Variants in ZFHX3 observed in about 807,000 individuals in gnomAD.
ZFHX3 encodes zinc finger homeobox protein 3.
Under a neutral mutation model 279.1 loss-of-function variants are expected in ZFHX3, and 42 were observed. The ratio of observed to expected loss-of-function variants is 0.15; its 90% CI spans 0.12 to 0.19. The LOEUF (loss-of-function observed/expected upper bound fraction) is 0.19, where lower values mean the gene tolerates loss of function less well. Ranked by LOEUF, ZFHX3 falls within the 10% of genes least tolerant of loss-of-function variation. ZFHX3 has a pLI of 1.00. For synonymous variants in ZFHX3, 2,293 were observed against 1,957.8 expected (o/e 1.17, Z -4.52); for missense variants, 4,981 against 4,754.0 (o/e 1.05, Z -1.40).
At chr16:73,719,358 C>T (rs1026609314) in intron 1 of ZFHX3, among the ~76,000 whole-genome samples, 1 of 152,196 alleles carries the variant, frequency 6.6e-6, no homozygotes, top group Non-Finnish European at 1.5e-5. Context: ...TCAGGTGGCA[C>T]CTGCGTGGTC....
Position 72,800,034 on chromosome 16 carries a change from C to T in ZFHX3, c.3960G>A (p.Lys1320=), listed in dbSNP as rs775113450. ...AAGAATAATGATACTGACCAGGCTGCTTTCCTGCCTCTTCCAAATTGGAAT... is the reference window on the plus strand; with the variant it reads ...AAGAATAATGATACTGACCAGGCTGTTTTCCTGCCTCTTCCAAATTGGAAT... ...DGNSNLEEAG[K]QPETSEDLGK... is the part of the protein sequence containing the mutation. Residue 1320 remains lysine (K), a synonymous_variant, in exon 8 of 10, where the codon AAG becomes AAA. Coordinates refer to ENST00000268489, the MANE Select transcript of ZFHX3 (RefSeq NM_006885.4). The T allele has an allele frequency of 1.9e-6, 3 of 1,614,108 alleles. No individual in the cohort carries two copies. Among genetic ancestry groups the T allele is most frequent in the Non-Finnish European group, 2.5e-6 (3 of 1,179,974 alleles).
At chr16:73,623,691 C>G (rs1392690303) in intron 2 of ZFHX3, among the ~76,000 whole-genome samples, 1 of 151,986 alleles carries the variant, frequency 6.6e-6, no homozygotes, top group Non-Finnish European at 1.5e-5. Context: ...CTTTGTCTGA[C>G]GTGTTGGTTT....
At chr16:73,791,452 G>A (rs1021936927) in intron 1 of ZFHX3, among the ~76,000 whole-genome samples, 3 of 151,626 alleles carry the variant, frequency 2.0e-5, no homozygotes, top group African/African-American at 7.3e-5. Context: ...TTGAGATGGA[G>A]TCTTGCTCTG....
rs367676710 is a variant in ZFHX3 at position 72,793,587 on chromosome 16, T to G, written c.9095A>C (p.Lys3032Thr). 1 of 1,614,240 alleles carries G rather than the reference T, an allele frequency of 6.2e-7. No individual in the cohort carries two copies. Among genetic ancestry groups the G allele is most frequent in the Non-Finnish European group, 8.5e-7 (1 of 1,180,044 alleles). ...ACGTACAGACAGCCGAGCGCTGTAC[T>G]TGATGCCACACAAAGTGCACTCTGT... is the stretch of plus-strand genomic sequence containing the variant. ...PKTECTLCGI[K>T]YSARLSVRDH... Residue 3032 changes from lysine to threonine, a missense_variant, in exon 9 of 10, where the codon AAG becomes ACG. Lys to Thr is a moderately conservative substitution (Grantham distance 78). This residue lies in a region of ZFHX3 where 168 missense variants were observed against 249.1 expected (regional missense o/e 0.67). Coordinates refer to ENST00000268489, the MANE Select transcript of ZFHX3 (RefSeq NM_006885.4). This position sits in a 1 kb window ranked among gnomAD's most constrained non-coding sequence, Gnocchi z 4.3.
At chr16:73,795,317 T>C (rs927980659) in intron 1 of ZFHX3, among the ~76,000 whole-genome samples, 2 of 152,344 alleles carry the variant, frequency 1.3e-5, no homozygotes, top group African/African-American at 4.8e-5. Context: ...TCTCTTCGTT[T>C]TGAGGACCCC....
intron 4 of ZFHX3, among the ~76,000 whole-genome samples, chr16:72,877,876 G>A (rs780600112): frequency 3.2e-4 from 48 of 152,216 alleles, no homozygotes; most frequent in Non-Finnish European, 4.4e-4. Flanking sequence ...GGGGGCCACG[G>A]GTTGAGTGGT....
At chr16:73,334,810 C>A (rs201908298) in intron 3 of ZFHX3, among the ~76,000 whole-genome samples, 8 of 57,914 alleles carry the variant, frequency 1.4e-4, no homozygotes, top group East Asian at 4.1e-4. Flanking sequence ...CTTTCTCATT[C>A]TTTTTTTTTT....
intron 4 of ZFHX3, among the ~76,000 whole-genome samples, chr16:73,312,467 T>A (rs2015348773): frequency 6.6e-6 from 1 of 152,054 alleles, no homozygotes; most frequent in Admixed American, 6.5e-5. Context: ...CCAGTCCCGA[T>A]CACTGACTTA....
At chr16:72,991,667 C>T (rs565242099) in intron 1 of ZFHX3, among the ~76,000 whole-genome samples, 2 of 152,190 alleles carry the variant, frequency 1.3e-5, no homozygotes, top group Non-Finnish European at 2.9e-5. Context: ...GCATAGCAAT[C>T]CAACAAAGGC....
chr16:72,975,270 C>G (rs1396125564), intron 1 of ZFHX3, among the ~76,000 whole-genome samples: 3 of 152,008 alleles, frequency 2.0e-5, no homozygotes, highest in African/African-American at 7.3e-5. Flanking sequence ...AGTGAAACAC[C>G]CTCTATACTA....
At chr16:73,016,814 T>A (rs1261485461) in intron 1 of ZFHX3, among the ~76,000 whole-genome samples, 2 of 151,964 alleles carry the variant, frequency 1.3e-5, no homozygotes, top group Admixed American at 1.3e-4. Flanking sequence ...GCAGAGTGGC[T>A]CCGAGCAGAA....
In ZFHX3 at chr16:73,507,485, C is replaced by CTTTT. The variant is rs752001880; in HGVS notation, c.-1546-51231_-1546-51228dup. On this transcript the variant is annotated intron_variant, in intron 2 of 17. Transcript: ENST00000641206. Reference sequence around the variant, plus strand: ...AAATGCGTGAAATTCAGCTCTGCCACTTTTTTTTTTTTTTTTTTTTTTTTT... The same window carrying CTTTT: ...AAATGCGTGAAATTCAGCTCTGCCACTTTTTTTTTTTTTTTTTTTTTTTTTTTTT... 6.2e-3 allele frequency among the ~76,000 whole-genome samples: 495 copies of CTTTT among 79,778 alleles called. 38 individuals are homozygous for CTTTT. Among genetic ancestry groups the CTTTT allele is most frequent in the Middle Eastern group, 0.017 (2 of 120 alleles). The allele number at this position is 79,778 out of a possible 152,430, so 52.3% of individuals were successfully genotyped here.
chr16:73,840,153 C>A (rs1186453040), intron 1 of ZFHX3, among the ~76,000 whole-genome samples: 1 of 152,024 alleles, frequency 6.6e-6, no homozygotes, highest in Non-Finnish European at 1.5e-5. Flanking sequence ...TAATGTATGA[C>A]CCTAATGCTA....
intron 4 of ZFHX3, among the ~76,000 whole-genome samples, chr16:72,852,182 A>G (rs920274324): frequency 6.6e-6 from 1 of 152,090 alleles, no homozygotes; most frequent in Non-Finnish European, 1.5e-5. Flanking sequence ...CTGTTGATCA[A>G]CTCTGTTTTG....
At chr16:73,550,573 C>T (rs1363008507) in intron 2 of ZFHX3, among the ~76,000 whole-genome samples, 3 of 152,196 alleles carry the variant, frequency 2.0e-5, no homozygotes, top group Non-Finnish European at 4.4e-5. Flanking sequence ...CGTGATCCTT[C>T]GCAAAGTTTT....
At chr16:73,777,983 T>C (rs748996735) in intron 1 of ZFHX3, among the ~76,000 whole-genome samples, 21 of 152,138 alleles carry the variant, frequency 1.4e-4, no homozygotes, top group Non-Finnish European at 2.4e-4. Flanking sequence ...TGAGCCATGT[T>C]CATGCCCTTG....
At chr16:73,883,308 G>A (rs988658452) in intron 1 of ZFHX3, among the ~76,000 whole-genome samples, 3 of 152,220 alleles carry the variant, frequency 2.0e-5, no homozygotes, top group South Asian at 2.1e-4. Flanking sequence ...AAAGGAATTT[G>A]ACGTCTGGCA....
At chr16:73,457,233 A>G (rs2018387731) in intron 2 of ZFHX3, among the ~76,000 whole-genome samples, 1 of 152,166 alleles carries the variant, frequency 6.6e-6, no homozygotes, top group Non-Finnish European at 1.5e-5. Context: ...TCTGGAAACC[A>G]TCCTGGTGGA....
chr16:73,333,165 A>G (rs1250336917), intron 3 of ZFHX3, among the ~76,000 whole-genome samples: 1 of 152,232 alleles, frequency 6.6e-6, no homozygotes, highest in African/African-American at 2.4e-5. Context: ...ACATAGACAC[A>G]TGGATAGTTA....
Sources: allele counts gnomAD v4.1 joint callset (sites outside exome capture counted in the v4.1 genomes callset), GRCh38; gene constraint gnomAD v4.1.1; regional missense constraint gnomAD v4.1.1; non-coding constraint Gnocchi (gnomAD v3.1); transcripts MANE v1.5; gene names NCBI Gene and HGNC (gene_info 2026-07-23, HGNC 2026-07-21).